CTTNBP2: variants seen among roughly 807,000 people sequenced by gnomAD.
CTTNBP2 encodes the protein cortactin binding protein 2, also known as cortactin-binding protein 2.
A neutral mutation model predicts 156.9 loss-of-function variants in CTTNBP2; 108 were observed. The ratio of observed to expected loss-of-function variants is 0.69; its 90% CI spans 0.59 to 0.81. The LOEUF (loss-of-function observed/expected upper bound fraction) is 0.81, where lower values mean the gene tolerates loss of function less well. CTTNBP2 is among the 30% of genes least tolerant of loss of function. The pLI is 0.00. For missense variants in CTTNBP2, 1,924 were observed against 2,035.4 expected, an observed-to-expected ratio of 0.95 and a Z score of 1.05; for synonymous variants, 767 against 751.8, an observed-to-expected ratio of 1.02 and a Z score of -0.33.
At position 117,870,451 on chromosome 7, in the gene CTTNBP2, A is replaced by G. The variant is rs1804507847; in HGVS notation, c.81+2884T>C. ...ACAAAAATTTCAAGTTCAGCTGTTA[A>G]TTTGTTTAACATCACTGTCGTGCAT... On this transcript the variant is annotated intron_variant, in intron 1 of 22. Coordinates refer to ENST00000160373, the MANE Select transcript of CTTNBP2 (RefSeq NM_033427.3). Among the ~76,000 whole-genome samples the G allele has an allele frequency of 2.0e-5, 3 of 152,360 alleles. No homozygotes were observed. The South Asian group carries it at 6.2e-4, about 32-fold the overall frequency.
chr7:117,765,980 T>C (rs558909072), intron 9 of CTTNBP2, among the ~76,000 whole-genome samples: 2 of 152,362 alleles, frequency 1.3e-5, no homozygotes, highest in African/African-American at 4.8e-5. Context: ...CATGCCAATA[T>C]GCTTCATATT....
intron 12 of CTTNBP2, among the ~76,000 whole-genome samples, chr7:117,753,148 A>G (rs1206823302): frequency 6.6e-6 from 1 of 152,244 alleles, no homozygotes; most frequent in African/African-American, 2.4e-5. Flanking sequence ...CAACACATGA[A>G]AAAAAGCTCA....
chr7:117,773,352 C>T (rs892517542), intron 8 of CTTNBP2, among the ~76,000 whole-genome samples: 1 of 152,120 alleles, frequency 6.6e-6, no homozygotes, highest in Non-Finnish European at 1.5e-5. Flanking sequence ...ACGTCTGACT[C>T]TCATATGACT....
chr7:117,864,856 TATTC>T (rs1187868620), intron 1 of CTTNBP2, among the ~76,000 whole-genome samples: 7 of 145,508 alleles, frequency 4.8e-5, no homozygotes, highest in African/African-American at 1.5e-4. Context: ...TATTCATATA[TATTC>T]ATTCAATATA....
intron 2 of CTTNBP2, among the ~76,000 whole-genome samples, chr7:117,858,141 C>A (rs1404804071): frequency 6.6e-6 from 1 of 152,178 alleles, no homozygotes; most frequent in Admixed American, 6.5e-5. Flanking sequence ...AAGGCCAAGG[C>A]GGGCAGATCA....
chr7:117,744,049 G>A (rs1318815671), intron 14 of CTTNBP2, among the ~76,000 whole-genome samples: 1 of 151,886 alleles, frequency 6.6e-6, no homozygotes, highest in Non-Finnish European at 1.5e-5. Context: ...TACATAGTAG[G>A]TGTATGTATT....
chr7:117,844,978 A>G (rs1366629585), intron 2 of CTTNBP2, among the ~76,000 whole-genome samples: 2 of 152,232 alleles, frequency 1.3e-5, no homozygotes, highest in East Asian at 3.9e-4. Context: ...GAGTAAAAGC[A>G]TTGAGAAATG....
chr7:117,785,614 A>T (rs1259742537), intron 4 of CTTNBP2, among the ~76,000 whole-genome samples: 1 of 152,174 alleles, frequency 6.6e-6, no homozygotes, highest in Non-Finnish European at 1.5e-5. Context: ...TAGACCCTGA[A>T]TTTCTATATG....
chr7:117,742,105 A>T (rs1796053038), intron 14 of CTTNBP2, among the ~76,000 whole-genome samples: 1 of 152,226 alleles, frequency 6.6e-6, no homozygotes, highest in African/African-American at 2.4e-5. Context: ...GAAGCAGTGA[A>T]TCACAGAAGC....
chr7:117,739,692 C>T (rs1257954000), intron 14 of CTTNBP2, among the ~76,000 whole-genome samples: 1 of 152,178 alleles, frequency 6.6e-6, no homozygotes, highest in Non-Finnish European at 1.5e-5. Context: ...CTATTATCTC[C>T]CCTTTCAGGA....
At chr7:117,840,141 C>T (rs1802186497) in intron 2 of CTTNBP2, among the ~76,000 whole-genome samples, 1 of 152,060 alleles carries the variant, frequency 6.6e-6, no homozygotes, top group Admixed American at 6.5e-5. Context: ...AGTACAAAAC[C>T]ATAACTGAGC....
chr7:117,828,588 T>C (rs1305173376), intron 2 of CTTNBP2, among the ~76,000 whole-genome samples: 1 of 152,178 alleles, frequency 6.6e-6, no homozygotes, highest in Non-Finnish European at 1.5e-5. Flanking sequence ...TTACAAACCA[T>C]CAAGTGTAGT....
intron 4 of CTTNBP2, among the ~76,000 whole-genome samples, chr7:117,790,491 T>C (rs1798929795): frequency 6.6e-6 from 1 of 152,086 alleles, no homozygotes; most frequent in Admixed American, 6.5e-5. Context: ...ATGTTAACCA[T>C]CTGTGCCCGA....
chr7:117,727,197 C>T (rs1001203535), intron 17 of CTTNBP2, among the ~76,000 whole-genome samples: 3 of 152,030 alleles, frequency 2.0e-5, no homozygotes, highest in African/African-American at 7.2e-5. Context: ...AGAAAATATA[C>T]ATATACTTTT....
In CTTNBP2 at chr7:117,777,535, G is replaced by A. The variant is rs775241705; in HGVS notation, c.2754C>T (p.His918=). 6.2e-7 allele frequency: 1 copy of A among 1,613,440 alleles called. No homozygotes were observed. Among genetic ancestry groups the A allele is most frequent in the Non-Finnish European group, 8.5e-7 (1 of 1,179,834 alleles). The change falls in exon 8 of 23, where the codon CAC becomes CAT. Residue 918 remains histidine, a synonymous_variant. Coordinates refer to ENST00000160373, the MANE Select transcript of CTTNBP2 (RefSeq NM_033427.3). ...HANREGWTAA[H]IAASKGFKNC... is the part of the protein sequence containing the mutation. ...CCTTAAAACCTTTGGAAGCAGCAAT[G>A]TGGGCAGCAGTCCAGCCTTCTCTGT...
chr7:117,763,821 T>TC (rs1216152337), intron 9 of CTTNBP2, among the ~76,000 whole-genome samples: 2 of 152,240 alleles, frequency 1.3e-5, no homozygotes, highest in African/African-American at 4.8e-5. Context: ...TCCTCCTGCC[T>TC]CAGCCTCCTC....
intron 2 of CTTNBP2, among the ~76,000 whole-genome samples, chr7:117,814,763 T>C (rs1800482202): frequency 1.3e-5 from 2 of 152,256 alleles, no homozygotes; most frequent in South Asian, 4.1e-4. Flanking sequence ...AAATATGGAC[T>C]GACATTTAGC....
intron 4 of CTTNBP2, among the ~76,000 whole-genome samples, chr7:117,788,850 T>C (rs550742888): frequency 6.6e-6 from 1 of 152,238 alleles, no homozygotes; most frequent in Admixed American, 6.5e-5. Context: ...GCAAATGACA[T>C]AGAAACTGGT....
chr7:117,834,904 A>T (rs1208718990), intron 2 of CTTNBP2, among the ~76,000 whole-genome samples: 1 of 152,374 alleles, frequency 6.6e-6, no homozygotes, highest in South Asian at 2.1e-4. Context: ...AAACAAAATA[A>T]TTCTGGCCCT....
Sources: allele counts gnomAD v4.1 joint callset (sites outside exome capture counted in the v4.1 genomes callset), GRCh38; gene constraint gnomAD v4.1.1; transcripts MANE v1.5; gene names NCBI Gene and HGNC (gene_info 2026-07-23, HGNC 2026-07-21).